The following GALP variants were observed in gnomAD, a reference collection of about 807,000 sequenced individuals.
The protein encoded by GALP is galanin like peptide, also known as galanin-like peptide.
GALP carries 12 observed loss-of-function variants against 15.2 expected under a neutral mutation model. That is an observed-to-expected ratio of 0.79 (90% confidence interval 0.51 to 1.28). GALP has a LOEUF of 1.28. Ranked by LOEUF, GALP falls within the 50% of genes most tolerant of loss-of-function variation. GALP has a pLI of 0.00. For missense variants in GALP, 161 were observed against 145.6 expected (o/e 1.11, Z -0.55); for synonymous variants, 58 against 55.1 (o/e 1.05, Z -0.23).
chr19:56,180,729 A>T (rs1316325735), intron 3 of GALP, 95 bp downstream of exon 3: 3 of 925,232 alleles, frequency 3.2e-6, no homozygotes, highest in East Asian at 5.0e-5. Flanking sequence ...CCTCACCCAC[A>T]TTCACTGAGG....
intron 2 of GALP, among the ~76,000 whole-genome samples, chr19:56,177,778 A>G (rs1386202265): frequency 6.6e-6 from 1 of 152,104 alleles, no homozygotes; most frequent in African/African-American, 2.4e-5. Context: ...ACATTGCCTA[A>G]CCTCTCTGGT....
chr19:56,185,335 C>G lies in GALP; in HGVS notation c.*65C>G. The G allele has an allele frequency of 1.1e-6, 1 of 934,660 alleles. No homozygotes were observed. Among genetic ancestry groups the G allele is most frequent in the Non-Finnish European group, 1.7e-6 (1 of 587,728 alleles). 57.9% of individuals were successfully genotyped at this position (934,660 alleles called of 1,614,324 possible). A position where few individuals can be genotyped will look rare whatever the true frequency, so the allele number is the denominator to read the frequency against. Reference sequence around the variant, plus strand: ...CCTCCTGCTCCCTCTGAAACCTTTTCTAGGTACCCTATGCTGAGACTAAGA... The same window carrying G: ...CCTCCTGCTCCCTCTGAAACCTTTTGTAGGTACCCTATGCTGAGACTAAGA... On this transcript the variant is annotated 3_prime_UTR_variant, in exon 6 of 6. Transcript: ENST00000357330.
chr19:56,182,236 C>A lies in GALP; in HGVS notation c.201C>A (p.Asp67Glu). 1 of 1,613,712 alleles carries A rather than the reference C, an allele frequency of 6.2e-7. No individual in the cohort carries two copies. The highest frequency in any genetic ancestry group is 8.5e-7 in the Non-Finnish European group (1 of 1,179,628). The change falls in exon 4 of 6, where the codon GAC (aspartate) becomes GAA (glutamate). Residue 67 changes from aspartate to glutamate, a missense_variant. Coordinates refer to ENST00000357330, the MANE Select transcript of GALP (RefSeq NM_033106.4). ...GKRETALEIL[D>E]LWKAIDGLPY... ...GGGAGACAGCCCTTGAGATCCTAGA[C>A]CTGTGGAAGGCCATCGGTGAGTGAG...
Position 56,183,122 on chromosome 19 carries a change from T to G in GALP, c.218-13T>G, listed in dbSNP as rs367729331. 9 of 1,591,368 alleles carry G rather than the reference T, an allele frequency of 5.7e-6. No individual in the cohort carries two copies. The African/African-American group carries it at 9.4e-5, about 17-fold the overall frequency. ...TACGAACGTGTGTGTGAATGTTGTA[T>G]TTTTGTTTCTAGACGGGCTCCCCTA... On this transcript the variant is annotated splice_polypyrimidine_tract_variant and intron_variant, in intron 4 of 5. Transcript: ENST00000357330.
intron 5 of GALP, among the ~76,000 whole-genome samples, chr19:56,183,738 C>G: frequency 6.6e-6 from 1 of 152,158 alleles, no homozygotes; most frequent in East Asian, 1.9e-4. Flanking sequence ...GCTGGGATTA[C>G]AGGCACGCGC....
At chr19:56,182,973 AC>A in intron 4 of GALP, among the ~76,000 whole-genome samples, 161 bp from the exon 5 acceptor site, 1 of 152,214 alleles carries the variant, frequency 6.6e-6, no homozygotes, top group Middle Eastern at 3.4e-3. Flanking sequence ...TAAGCCGAGT[AC>A]CCAGTGGTTA....
In GALP at chr19:56,182,200, A is replaced by G; in HGVS notation, c.165A>G (p.Gln55=). 1.9e-6 allele frequency: 3 copies of G among 1,613,970 alleles called. No homozygotes were observed. The highest frequency in any genetic ancestry group is 2.5e-6 in the Non-Finnish European group (3 of 1,179,874). ...TCCACCTTCCCCAAATGGGTGACCA[A>G]GACGGAAAGAGGGAGACAGCCCTTG... ...PVLHLPQMGD[Q]DGKRETALEI... Residue 55 remains glutamine, a synonymous_variant, in exon 4 of 6, where the codon CAA becomes CAG. Transcript: ENST00000357330.
rs1006685761 is a variant in GALP at position 56,185,596 on chromosome 19, C to T, written c.*326C>T. 8 of 213,702 alleles carry T rather than the reference C, an allele frequency of 3.7e-5. No homozygotes were observed. Among genetic ancestry groups the T allele is most frequent in the South Asian group, 1.2e-4 (1 of 8,188 alleles). 13.2% of individuals were successfully genotyped at this position (213,702 alleles called of 1,614,324 possible). The stretch of plus-strand genomic sequence containing the variant: ...TTTTGGAATCATCCCAATTATAACA[C>T]GAGCTATTGCATAATACAAATAACC... On this transcript the variant is annotated 3_prime_UTR_variant, in exon 6 of 6. Transcript: ENST00000357330.
intron 5 of GALP, among the ~76,000 whole-genome samples, chr19:56,184,960 C>T (rs1469715386): frequency 6.6e-6 from 1 of 152,182 alleles, no homozygotes; most frequent in Non-Finnish European, 1.5e-5. Flanking sequence ...TCACCATGTG[C>T]CTTCTTAAAA....
chr19:56,176,695 G>GCTGCCAGCTGC (rs1430032691), intron 1 of GALP, among the ~76,000 whole-genome samples: 26 of 151,396 alleles, frequency 1.7e-4, no homozygotes, highest in Admixed American at 3.9e-4. Flanking sequence ...CAGAGGGGTG[G>GCTGCCAGCTGC]AGGGAGTGAG....
Position 56,176,009 on chromosome 19 carries a change from G to A in GALP, c.-93G>A. ...AGCTCAGGGGGCGTGAAAGAGTCCA[G>A]GCGCTGGAGCGAGGAGCCAGAGAGA... On this transcript the variant is annotated 5_prime_UTR_variant, in exon 1 of 6. Transcript: ENST00000357330. The A allele has an allele frequency of 5.8e-6, 1 of 173,182 alleles. No homozygotes were observed. The highest frequency in any genetic ancestry group is 1.2e-5 in the Non-Finnish European group (1 of 81,484). The allele number at this position is 173,182 out of a possible 1,614,324, so 10.7% of individuals were successfully genotyped here. A position where few individuals can be genotyped will look rare whatever the true frequency, so the allele number is the denominator to read the frequency against.
chr19:56,179,447 A>G (rs1006814426), intron 2 of GALP, among the ~76,000 whole-genome samples: 19 of 150,906 alleles, frequency 1.3e-4, no homozygotes, highest in Admixed American at 4.6e-4. Context: ...AGCTGGGACT[A>G]CAGGCACCCG....
At chr19:56,180,227 G>A (rs1033167371) in intron 2 of GALP, among the ~76,000 whole-genome samples, 1 of 152,188 alleles carries the variant, frequency 6.6e-6, no homozygotes, top group African/African-American at 2.4e-5. Context: ...TATCTTTAAA[G>A]TGTGCAACAC....
At position 56,177,129 on chromosome 19, in the gene GALP, C is replaced by T. The variant is rs761553211; in HGVS notation, c.21C>T (p.Pro7=). 6.2e-7 allele frequency: 1 copy of T among 1,613,584 alleles called. No homozygotes were observed. Among genetic ancestry groups the T allele is most frequent in the East Asian group, 2.2e-5 (1 of 44,808 alleles). MAPPSV[P]LVLLLVLLLS... The stretch of plus-strand genomic sequence containing the variant: ...CTTCGATGGCTCCTCCCTCCGTCCC[C>T]CTGGTCCTCCTCCTCGTCCTCTTGC... The change falls in exon 2 of 6, where the codon CCC becomes CCT. Residue 7 remains proline (P), a synonymous_variant. Transcript: ENST00000357330.
intron 5 of GALP, among the ~76,000 whole-genome samples, chr19:56,183,636 C>T (rs996915365): frequency 6.6e-6 from 1 of 152,136 alleles, no homozygotes; most frequent in Non-Finnish European, 1.5e-5. Flanking sequence ...TTGCTCTTGT[C>T]GCCCAGGTTG....
At chr19:56,183,857 C>G (rs1214989850) in intron 5 of GALP, among the ~76,000 whole-genome samples, 1 of 152,062 alleles carries the variant, frequency 6.6e-6, no homozygotes, top group Non-Finnish European at 1.5e-5. Context: ...CTCGGCCTCC[C>G]AAAGTGTTGG....
At chr19:56,184,058 C>T (rs1392432067) in intron 5 of GALP, among the ~76,000 whole-genome samples, 3 of 151,576 alleles carry the variant, frequency 2.0e-5, no homozygotes, top group Admixed American at 6.6e-5. Flanking sequence ...TGCATTCAAG[C>T]GATTCTCCTG....
Position 56,183,203 on chromosome 19 carries a change from G to A in GALP, c.286G>A (p.Glu96Lys), listed in dbSNP as rs1173168886. The A allele has an allele frequency of 9.3e-6, 15 of 1,613,214 alleles. No individual in the cohort carries two copies. Among genetic ancestry groups the A allele is most frequent in the African/African-American group, 1.3e-5 (1 of 74,880 alleles). The change falls in exon 5 of 6, where the codon GAG (glutamate) becomes AAG (lysine). Residue 96 changes from glutamate to lysine, a missense_variant. Glu to Lys is a moderately conservative substitution (Grantham distance 56). Coordinates refer to ENST00000357330, the MANE Select transcript of GALP (RefSeq NM_033106.4). The stretch of plus-strand genomic sequence containing the variant: ...TGTGATGGAGACGTTTGCCAAACCA[G>A]AGATTGGAGGTAAAGCCAGGAAACA... ...RNVMETFAKP[E>K]IGDLGMLSMK...
At chr19:56,179,787 A>G (rs544804428) in intron 2 of GALP, among the ~76,000 whole-genome samples, 45 of 151,598 alleles carry the variant, frequency 3.0e-4, no homozygotes, top group African/African-American at 8.5e-4. Flanking sequence ...TGCCTGGCTA[A>G]TTTTTGTATT....
Sources: allele counts gnomAD v4.1 joint callset (sites outside exome capture counted in the v4.1 genomes callset), GRCh38; gene constraint gnomAD v4.1.1; transcripts MANE v1.5; gene names NCBI Gene and HGNC (gene_info 2026-07-23, HGNC 2026-07-21).